The following DAPK2 variants were observed in gnomAD, a reference collection of about 807,000 sequenced individuals.
The protein encoded by DAPK2 is death-associated protein kinase 2.
In DAPK2, 35 loss-of-function variants were observed where a neutral mutation model predicts 44.1. The ratio of observed to expected loss-of-function variants is 0.79; its 90% CI spans 0.61 to 1.05. The LOEUF (loss-of-function observed/expected upper bound fraction) is 1.05, where lower values mean the gene tolerates loss of function less well. DAPK2 is among the 50% of genes least tolerant of loss of function. DAPK2 has a pLI of 0.00. For missense variants in DAPK2, 453 were observed against 483.2 expected (o/e 0.94, Z 0.59); for synonymous variants, 174 against 182.6 (o/e 0.95, Z 0.38).
intron 3 of DAPK2, among the ~76,000 whole-genome samples, chr15:63,952,578 G>A (rs890653757): frequency 6.6e-6 from 1 of 151,970 alleles, no homozygotes; most frequent in Non-Finnish European, 1.5e-5. Flanking sequence ...GCTAAGAGTG[G>A]GTTCATTCAC....
chr15:63,913,173 G>A (rs1262541122), intron 8 of DAPK2, among the ~76,000 whole-genome samples: 3 of 152,166 alleles, frequency 2.0e-5, no homozygotes, highest in East Asian at 3.9e-4. Context: ...AAACAAAGCA[G>A]ATGGGTAGCT....
rs571622599 is a variant in DAPK2 at position 63,923,079 on chromosome 15, G to C, written c.858+1737C>G. The C allele has an allele frequency of 6.5e-7, 1 of 1,535,636 alleles. No homozygotes were observed. Among genetic ancestry groups the C allele is most frequent in the African/African-American group, 1.4e-5 (1 of 72,976 alleles). On this transcript the variant is annotated intron_variant, in intron 8 of 10. Coordinates refer to ENST00000261891, the Ensembl canonical transcript of DAPK2. This position sits in a 1 kb window ranked among gnomAD's most constrained non-coding sequence, Gnocchi z 4.2. ...TGCCGGGCGCTCTCATTCTCCTCTC[G>C]GTACCAAGCTTCCTTCTCATTGAAG...
intron 1 of DAPK2, among the ~76,000 whole-genome samples, chr15:64,010,300 T>C (rs769218508): frequency 6.6e-5 from 10 of 152,176 alleles, no homozygotes; most frequent in Non-Finnish European, 1.5e-4. Context: ...AGGTTCAGTT[T>C]CTTCTATCTC....
intron 1 of DAPK2, among the ~76,000 whole-genome samples, chr15:64,034,299 G>A (rs1323294472): frequency 2.0e-5 from 3 of 152,170 alleles, no homozygotes; most frequent in Non-Finnish European, 4.4e-5. Flanking sequence ...CTGAATGTGC[G>A]GTGGCTGATC....
intron 3 of DAPK2, among the ~76,000 whole-genome samples, chr15:63,967,681 A>C (rs1385843401): frequency 6.6e-6 from 1 of 151,934 alleles, no homozygotes; most frequent in African/African-American, 2.4e-5. Context: ...ACAGAGCGAG[A>C]CTCTGTCTCA....
intron 3 of DAPK2, among the ~76,000 whole-genome samples, chr15:63,947,391 G>T (rs1337688012): frequency 1.3e-5 from 2 of 152,162 alleles, no homozygotes; most frequent in Non-Finnish European, 2.9e-5. Flanking sequence ...GCACCCAAGG[G>T]CGGCTGGCAT....
chr15:64,045,829 C>T (rs773191340), intron 1 of DAPK2, among the ~76,000 whole-genome samples: 7 of 152,202 alleles, frequency 4.6e-5, no homozygotes, highest in Non-Finnish European at 7.3e-5. Flanking sequence ...CGCCTGACGG[C>T]GGGGACCCCA....
intron 10 of DAPK2, chr15:63,911,392 C>G (rs1240458001): frequency 6.3e-6 from 1 of 159,140 alleles, no homozygotes; most frequent in Non-Finnish European, 1.4e-5. Context: ...TCCTGGTAGT[C>G]TGACTGCAGA....
At chr15:63,988,017 A>G (rs919988075) in intron 1 of DAPK2, among the ~76,000 whole-genome samples, 1 of 152,142 alleles carries the variant, frequency 6.6e-6, no homozygotes, top group African/African-American at 2.4e-5. Flanking sequence ...TGTGCCTGAG[A>G]CTGGCTTGCA....
At chr15:64,030,578 T>C (rs577726626) in intron 1 of DAPK2, among the ~76,000 whole-genome samples, 128 of 152,178 alleles carry the variant, frequency 8.4e-4, no homozygotes, top group African/African-American at 3.0e-3. Flanking sequence ...ATCTGCCCTG[T>C]CTCCCTTCCT....
intron 2 of DAPK2, among the ~76,000 whole-genome samples, chr15:63,975,512 A>G (rs1254230273): frequency 2.0e-5 from 3 of 152,138 alleles, no homozygotes; most frequent in Admixed American, 2.0e-4. Context: ...CCACAGTCCC[A>G]TAGCTAGTAA....
At chr15:63,935,228 T>C (rs531895260) in intron 4 of DAPK2, among the ~76,000 whole-genome samples, 12 of 151,938 alleles carry the variant, frequency 7.9e-5, no homozygotes, top group Admixed American at 1.3e-4. Flanking sequence ...GTTGCTGGGA[T>C]TACAAGCGTG....
Position 63,939,117 on chromosome 15 carries a change from C to T in DAPK2, c.583+115G>A, listed in dbSNP as rs1309944913. The T allele has an allele frequency of 1.3e-6, 2 of 1,497,118 alleles. No homozygotes were observed. Among genetic ancestry groups the T allele is most frequent in the Non-Finnish European group, 1.8e-6 (2 of 1,116,838 alleles). The allele number at this position is 1,497,118 out of a possible 1,614,324, so 92.7% of individuals were successfully genotyped here. A position where few individuals can be genotyped will look rare whatever the true frequency, so the allele number is the denominator to read the frequency against. The stretch of plus-strand genomic sequence containing the variant: ...CCACCCATTAGGTTTCTAGAGATGT[C>T]CCAATGCATCATCTCTTTGCTCAGA... On this transcript the variant is annotated intron_variant, in intron 4 of 10. Coordinates refer to ENST00000261891, the Ensembl canonical transcript of DAPK2. This position sits in a 1 kb window ranked among gnomAD's most constrained non-coding sequence, Gnocchi z 4.3.
At position 63,983,676 on chromosome 15, in the gene DAPK2, C is replaced by T. The variant is rs748449620; in HGVS notation, c.171G>A (p.Arg57=). The T allele has an allele frequency of 3.7e-6, 6 of 1,613,968 alleles. No homozygotes were observed. The East Asian group carries it at 1.1e-4, about 30-fold the overall frequency. The change falls in exon 2 of 11, where the codon CGG becomes CGA. Residue 57 remains arginine, a synonymous_variant. Transcript: ENST00000261891. The stretch of plus-strand genomic sequence containing the variant: ...CACCGCGCCGGCTCGCCCGGCTCTG[C>T]CGCTTCTTGATGAACTTGGCTGCAT...
chr15:63,933,692 A>T, intron 4 of DAPK2, among the ~76,000 whole-genome samples: 1 of 150,402 alleles, frequency 6.6e-6, no homozygotes, highest in Non-Finnish European at 1.5e-5. Context: ...TCAACCCCCT[A>T]GGGTTAAGCG....
chr15:63,957,948 G>A (rs2077773695), intron 3 of DAPK2, among the ~76,000 whole-genome samples: 1 of 152,130 alleles, frequency 6.6e-6, no homozygotes, highest in Admixed American at 6.5e-5. Context: ...TTCCACAATG[G>A]TTGAACCAGT....
chr15:64,010,213 C>T (rs558402866), intron 1 of DAPK2, among the ~76,000 whole-genome samples: 157 of 152,234 alleles, frequency 1.0e-3, no homozygotes, highest in African/African-American at 3.6e-3. Flanking sequence ...TTTGATAAGC[C>T]CTCTGAGGAT....
At position 63,990,434 on chromosome 15, in the gene DAPK2, G is replaced by T. The variant is rs8026933; in HGVS notation, c.93-6680C>A. Among the ~76,000 whole-genome samples the T allele has an allele frequency of 1.9e-4, 2 of 10,376 alleles. No individual in the cohort carries two copies. Among genetic ancestry groups the T allele is most frequent in the African/African-American group, 3.4e-4 (2 of 5,838 alleles). 6.8% of individuals were successfully genotyped at this position (10,376 alleles called of 152,430 possible). On this transcript the variant is annotated intron_variant, in intron 1 of 10. Coordinates refer to ENST00000261891, the Ensembl canonical transcript of DAPK2. This position sits in a 1 kb window ranked among gnomAD's most constrained non-coding sequence, Gnocchi z 4.3. ...CAGAGCAAGACTCCATCTAGAAAAA[G>T]AAAAAGAAAGGTCCATGGATTGAGT...
At chr15:63,934,207 C>G (rs1237537908) in intron 4 of DAPK2, among the ~76,000 whole-genome samples, 1 of 149,862 alleles carries the variant, frequency 6.7e-6, no homozygotes, top group African/African-American at 2.5e-5. Context: ...ATTTTAAACA[C>G]TGCTGCATCT....
Sources: gnomAD v4.1 joint callset for allele counts (sites outside exome capture counted in the v4.1 genomes callset) on GRCh38, gnomAD v4.1.1 for gene constraint, Gnocchi (gnomAD v3.1) non-coding constraint, MANE v1.5 for transcripts, NCBI Gene and HGNC (gene_info 2026-07-23, HGNC 2026-07-21) for gene names.